Variants in UBE2F observed in about 807,000 individuals in gnomAD.
UBE2F encodes the protein NEDD8-conjugating enzyme UBE2F.
A neutral mutation model predicts 29.6 loss-of-function variants in UBE2F; 5 were observed. That is an observed-to-expected ratio of 0.17 (90% CI 0.09 to 0.36). The LOEUF (loss-of-function observed/expected upper bound fraction) is 0.36, where lower values mean the gene tolerates loss of function less well. UBE2F is among the 10% of genes least tolerant of loss of function. The pLI is 1.00. For missense variants in UBE2F, 141 were observed against 228.5 expected (o/e 0.62, Z 2.47); for synonymous variants, 66 against 81.8 (o/e 0.81, Z 1.04).
intron 3 of UBE2F, 23 bp from the exon 4 acceptor site, chr2:237,994,721 C>G: frequency 6.2e-7 from 1 of 1,610,578 alleles, no homozygotes; most frequent in Non-Finnish European, 8.5e-7. Context: ...CCAGACCTTC[C>G]TGATGTGCTG....
At chr2:237,988,060 A>ACT in intron 3 of UBE2F, 68 bp downstream of exon 3, 1 of 921,608 alleles carries the variant, frequency 1.1e-6, no homozygotes, top group Non-Finnish European at 1.6e-6. Context: ...TTTATGTTTT[A>ACT]ATAACCTTGT....
At chr2:237,999,364 G>T (rs1268943217) in intron 4 of UBE2F, among the ~76,000 whole-genome samples, 1 of 152,134 alleles carries the variant, frequency 6.6e-6, no homozygotes, top group Non-Finnish European at 1.5e-5. Context: ...GCCACCACAT[G>T]TGGCTGAAGT....
intron 4 of UBE2F, among the ~76,000 whole-genome samples, chr2:238,002,063 ATT>A (rs10695548): frequency 7.9e-6 from 1 of 126,182 alleles, no homozygotes; most frequent in Non-Finnish European, 1.6e-5. Context: ...GAATATCCCA[ATT>A]TTTTTTTTTT....
chr2:238,011,527 G>C (rs2064029312), intron 4 of UBE2F, among the ~76,000 whole-genome samples: 1 of 152,206 alleles, frequency 6.6e-6, no homozygotes, highest in Middle Eastern at 3.2e-3. Context: ...CCAGGGCCTA[G>C]AACTGTGTGT....
chr2:238,007,675 A>G (rs1026040), intron 4 of UBE2F, among the ~76,000 whole-genome samples: 130,689 of 152,204 alleles, frequency 0.86, 56,262 homozygotes, highest in East Asian at 0.97. Context: ...AAATTACATT[A>G]ATAGATTATT....
chr2:238,008,955 C>T (rs918282176), intron 4 of UBE2F, among the ~76,000 whole-genome samples: 2 of 152,196 alleles, frequency 1.3e-5, no homozygotes, highest in Admixed American at 6.5e-5. Context: ...AAAGAACATC[C>T]TTGAAGATTT....
intron 4 of UBE2F, among the ~76,000 whole-genome samples, chr2:238,000,047 C>T (rs144627091): frequency 0.027 from 4,050 of 152,210 alleles, 170 homozygotes; most frequent in African/African-American, 0.093. Context: ...TGGTCTCAGT[C>T]TCCTGACCTC....
rs574547084 is a variant in UBE2F, at chr2:238,037,578, T to G, written c.507+1638T>G. On this transcript the variant is annotated intron_variant, in intron 9 of 9. Transcript: ENST00000272930. ...ATTCCCTATGGCAGCCTTGCCACTG[T>G]GGCAGTCAGTCAGCCACTACTGTTC... is the stretch of plus-strand genomic sequence containing the variant. Among the ~76,000 whole-genome samples the G allele has an allele frequency of 3.0e-4, 45 of 152,138 alleles. 1 individual carries two copies. In the South Asian group the frequency reaches 7.7e-3, roughly 26 times the overall value.
At position 238,040,766 on chromosome 2, in the gene UBE2F, A is replaced by G. The variant is rs2064821193; in HGVS notation, c.508-522A>G. ...GCATGAGGATGGAGCTCTGTGGCAC[A>G]CCCAGCTCTCTTCTGGGCAGGGTGG... On this transcript the variant is annotated intron_variant, in intron 9 of 9. Transcript: ENST00000272930. This position sits in a 1 kb window ranked among gnomAD's most constrained non-coding sequence, Gnocchi z 4.4. Among the ~76,000 whole-genome samples the G allele has an allele frequency of 6.6e-6, 1 of 151,998 alleles. No individual in the cohort carries two copies. Among genetic ancestry groups the G allele is most frequent in the African/African-American group, 2.4e-5 (1 of 41,360 alleles).
In UBE2F at chr2:237,967,684, C is replaced by G. The variant is rs1207433292; in HGVS notation, c.-17+552C>G. On this transcript the variant is annotated intron_variant, in intron 1 of 9. Transcript: ENST00000272930. This position sits in a 1 kb window ranked among gnomAD's most constrained non-coding sequence, Gnocchi z 6.3. ...TCGCGCCCGGTCCTCGTACCTGCAG[C>G]GGGAAGAGTAAGTATGGACGCTTAC... Among the ~76,000 whole-genome samples the G allele has an allele frequency of 1.3e-5, 2 of 152,164 alleles. No homozygotes were observed. The highest frequency in any genetic ancestry group is 2.1e-4 in the South Asian group (1 of 4,832).
chr2:238,010,748 C>T (rs2064004086), intron 4 of UBE2F, among the ~76,000 whole-genome samples: 1 of 152,054 alleles, frequency 6.6e-6, no homozygotes, highest in South Asian at 2.1e-4. Context: ...CCCAAACTGC[C>T]CTCTCTATCC....
intron 8 of UBE2F, 49 bp downstream of exon 8, chr2:238,032,303 T>C (rs2064600789): frequency 1.3e-6 from 2 of 1,514,698 alleles, no homozygotes; most frequent in African/African-American, 2.7e-5. Context: ...TCCTTGTTGC[T>C]GGTTTTAGAC....
At chr2:237,972,540 AATT>A (rs1300786847) in intron 1 of UBE2F, among the ~76,000 whole-genome samples, 3 of 42,998 alleles carry the variant, frequency 7.0e-5, no homozygotes, top group African/African-American at 1.1e-4. Flanking sequence ...TTTAATTTTA[AATT>A]TTTTTTTTTT....
At chr2:237,976,822 A>C (rs1285799015) in intron 2 of UBE2F, among the ~76,000 whole-genome samples, 1 of 152,160 alleles carries the variant, frequency 6.6e-6, no homozygotes, top group African/African-American at 2.4e-5. Flanking sequence ...GACTTTTCAA[A>C]GCCTTGCCAG....
intron 9 of UBE2F, among the ~76,000 whole-genome samples, chr2:238,039,780 A>G (rs1242365717): frequency 6.6e-6 from 1 of 152,210 alleles, no homozygotes; most frequent in Non-Finnish European, 1.5e-5. Flanking sequence ...GCCGGGCTCT[A>G]TGCTGGCTGA....
chr2:238,022,175 C>CTTTTTTTTTTTTTTTTTTTTTT lies in UBE2F; in HGVS notation c.283-3156_283-3155insTTTTTTTTTTTTTTTTTTTTTT, dbSNP rs1162304454. Among the ~76,000 whole-genome samples, 79 of 63,318 alleles carry CTTTTTTTTTTTTTTTTTTTTTT rather than the reference C, an allele frequency of 1.2e-3. 5 individuals carry two copies. Among genetic ancestry groups the CTTTTTTTTTTTTTTTTTTTTTT allele is most frequent in the African/African-American group, 3.1e-3 (74 of 23,992 alleles). 41.5% of individuals were successfully genotyped at this position (63,318 alleles called of 152,430 possible). Reference sequence around the variant, plus strand: ...ATTTCTTTTTCTTTTCTTTTCTTTTCTTTTTTTTTTTGGAGACAGAGTCTT... The same window carrying CTTTTTTTTTTTTTTTTTTTTTT: ...ATTTCTTTTTCTTTTCTTTTCTTTTCTTTTTTTTTTTTTTTTTTTTTTTTTTTTTTTTTGGAGACAGAGTCTT... On this transcript the variant is annotated intron_variant, in intron 5 of 9. Coordinates refer to ENST00000272930, the MANE Select transcript of UBE2F (RefSeq NM_080678.3).
intron 4 of UBE2F, among the ~76,000 whole-genome samples, chr2:238,002,896 T>C (rs1161810514): frequency 6.6e-6 from 1 of 152,192 alleles, no homozygotes; most frequent in East Asian, 1.9e-4. Context: ...CCTCCCAAAG[T>C]GCTGGGATTA....
chr2:237,989,555 G>A (rs1381399958), intron 3 of UBE2F, among the ~76,000 whole-genome samples: 1 of 151,882 alleles, frequency 6.6e-6, no homozygotes, highest in African/African-American at 2.4e-5. Context: ...TTTTTGCCTT[G>A]TTGGGCAGGC....
chr2:237,999,529 T>C (rs1331087662), intron 4 of UBE2F, among the ~76,000 whole-genome samples: 2 of 152,228 alleles, frequency 1.3e-5, no homozygotes, highest in Admixed American at 6.5e-5. Context: ...TTAAGGTCCA[T>C]CAGCCATCTT....
Sources: allele counts gnomAD v4.1 joint callset (sites outside exome capture counted in the v4.1 genomes callset), GRCh38; gene constraint gnomAD v4.1.1; non-coding constraint Gnocchi (gnomAD v3.1); transcripts MANE v1.5; gene names NCBI Gene and HGNC (gene_info 2026-07-23, HGNC 2026-07-21).